LRRC8D: variants seen among roughly 807,000 people sequenced by gnomAD.
The protein encoded by LRRC8D is leucine rich repeat containing 8 VRAC subunit D, also known as volume-regulated anion channel subunit LRRC8D.
A neutral mutation model predicts 55.8 loss-of-function variants in LRRC8D; 20 were observed. The observed-to-expected ratio is 0.36, with a 90% CI of 0.25 to 0.52. The LOEUF is 0.52. Among genes scored for constraint, LRRC8D ranks in the 20% least tolerant of loss-of-function variants. LRRC8D has a pLI of 0.93. For missense variants in LRRC8D, 651 were observed against 1,030.8 expected (o/e 0.63, Z 5.05); for synonymous variants, 352 against 377.0 (o/e 0.93, Z 0.77).
intron 2 of LRRC8D, among the ~76,000 whole-genome samples, chr1:89,907,455 G>T (rs1447315690): frequency 3.9e-5 from 6 of 152,024 alleles, no homozygotes. Flanking sequence ...CTCACAAAGT[G>T]CTGGGATTAC....
rs573919380 is a variant in LRRC8D at position 89,822,701 on chromosome 1, C to T, written c.-148+1410C>T. Among the ~76,000 whole-genome samples, 9 of 152,248 alleles carry T rather than the reference C, an allele frequency of 5.9e-5. No individual in the cohort carries two copies. In the South Asian group the frequency reaches 1.9e-3, roughly 32 times the overall value. On this transcript the variant is annotated intron_variant, in intron 1 of 2. Coordinates refer to ENST00000337338, the MANE Select transcript of LRRC8D (RefSeq NM_001134479.2). ...GTGCCAAGAATGAGAGTGATCAGAC[C>T]TTCCTCGCCATAGCATCTGGGACCT...
intron 1 of LRRC8D, among the ~76,000 whole-genome samples, chr1:89,832,121 C>T (rs186275137): frequency 1.3e-5 from 2 of 152,308 alleles, no homozygotes; most frequent in African/African-American, 4.8e-5. Context: ...GACAGGACCT[C>T]AGACCTTTAC....
chr1:89,861,630 G>A (rs1192939443), intron 2 of LRRC8D, among the ~76,000 whole-genome samples: 1 of 152,160 alleles, frequency 6.6e-6, no homozygotes, highest in African/African-American at 2.4e-5. Flanking sequence ...TGTATCCTTT[G>A]GACTTGGCAT....
chr1:89,901,314 A>C (rs980479062), intron 2 of LRRC8D, among the ~76,000 whole-genome samples: 1 of 152,240 alleles, frequency 6.6e-6, no homozygotes, highest in Admixed American at 6.5e-5. Context: ...TTTCAGGTCC[A>C]TCTCTGCCTC....
intron 2 of LRRC8D, among the ~76,000 whole-genome samples, chr1:89,884,492 G>A: frequency 6.6e-6 from 1 of 152,270 alleles, no homozygotes; most frequent in African/African-American, 2.4e-5. Flanking sequence ...AATATTTAGG[G>A]GCATGCATTT....
chr1:89,868,934 T>C (rs1044665505), intron 2 of LRRC8D, among the ~76,000 whole-genome samples: 2 of 152,206 alleles, frequency 1.3e-5, no homozygotes, highest in African/African-American at 4.8e-5. Flanking sequence ...TCAGACAGAA[T>C]CTCACTCTTT....
At chr1:89,865,526 CA>C (rs1047519023) in intron 2 of LRRC8D, among the ~76,000 whole-genome samples, 1 of 151,788 alleles carries the variant, frequency 6.6e-6, no homozygotes, top group Non-Finnish European at 1.5e-5. Context: ...CCATTGGGTC[CA>C]AATATGTACT....
chr1:89,926,811 A>G (rs1334793998), intron 2 of LRRC8D, among the ~76,000 whole-genome samples: 1 of 152,204 alleles, frequency 6.6e-6, no homozygotes, highest in Non-Finnish European at 1.5e-5. Context: ...AAAGAAGAAA[A>G]GGTAATCTGG....
intron 1 of LRRC8D, among the ~76,000 whole-genome samples, chr1:89,829,398 GT>G (rs1405259576): frequency 1.3e-5 from 2 of 152,186 alleles, no homozygotes; most frequent in Admixed American, 6.5e-5. Context: ...GGCTGGAAAG[GT>G]TATGTCATTT....
At chr1:89,831,645 G>C (rs899542406) in intron 1 of LRRC8D, among the ~76,000 whole-genome samples, 1 of 152,120 alleles carries the variant, frequency 6.6e-6, no homozygotes, top group South Asian at 2.1e-4. Context: ...ATGTTGGCAG[G>C]GGGCAAAGAG....
At chr1:89,855,631 A>T (rs1304147361) in intron 2 of LRRC8D, among the ~76,000 whole-genome samples, 1 of 152,128 alleles carries the variant, frequency 6.6e-6, no homozygotes, top group African/African-American at 2.4e-5. Context: ...TTAAAAATGC[A>T]CCCTTTTAGC....
chr1:89,886,841 T>G (rs766088758), intron 2 of LRRC8D, among the ~76,000 whole-genome samples: 2 of 152,208 alleles, frequency 1.3e-5, no homozygotes, highest in Non-Finnish European at 2.9e-5. Flanking sequence ...ATTCTTTTAC[T>G]TGTATGTATT....
At chr1:89,924,845 A>C (rs1289980855) in intron 2 of LRRC8D, among the ~76,000 whole-genome samples, 1 of 152,218 alleles carries the variant, frequency 6.6e-6, no homozygotes, top group Non-Finnish European at 1.5e-5. Flanking sequence ...GTTCTCACTT[A>C]TAAGTGGGAG....
intron 1 of LRRC8D, among the ~76,000 whole-genome samples, chr1:89,822,867 C>G (rs1037285947): frequency 3.3e-5 from 5 of 152,192 alleles, no homozygotes; most frequent in Non-Finnish European, 7.3e-5. Context: ...CTTGCTTCAT[C>G]TGTCTTGACA....
intron 2 of LRRC8D, among the ~76,000 whole-genome samples, chr1:89,919,507 A>T (rs1478786217): frequency 6.6e-6 from 1 of 152,186 alleles, no homozygotes; most frequent in African/African-American, 2.4e-5. Context: ...ATGTCAGTAA[A>T]CTTAAAAGGA....
chr1:89,914,352 C>T (rs1463648188), intron 2 of LRRC8D, among the ~76,000 whole-genome samples: 1 of 152,212 alleles, frequency 6.6e-6, no homozygotes, highest in Non-Finnish European at 1.5e-5. Context: ...CTCCACACCT[C>T]CCTGCAAGCT....
At chr1:89,925,602 A>C (rs939973885) in intron 2 of LRRC8D, among the ~76,000 whole-genome samples, 4 of 152,314 alleles carry the variant, frequency 2.6e-5, no homozygotes, top group African/African-American at 4.8e-5. Flanking sequence ...AAAATAAGTC[A>C]CTAGAGGATC....
In LRRC8D at chr1:89,892,103, T is replaced by C. The variant is rs2801989; in HGVS notation, c.-2-40964T>C. Among the ~76,000 whole-genome samples, 568 of 152,354 alleles carry C rather than the reference T, an allele frequency of 3.7e-3. 2 individuals carry two copies. Among genetic ancestry groups the C allele is most frequent in the African/African-American group, 0.013 (552 of 41,578 alleles). ...TGCTACATTGTTCCGTTTCACATTCTGATAATTGTTCTTTAGTGGTCAAGC... is the reference window on the plus strand; with the variant it reads ...TGCTACATTGTTCCGTTTCACATTCCGATAATTGTTCTTTAGTGGTCAAGC... On this transcript the variant is annotated intron_variant, in intron 2 of 2. Coordinates refer to ENST00000337338, the MANE Select transcript of LRRC8D (RefSeq NM_001134479.2).
At chr1:89,887,770 A>G (rs897679785) in intron 2 of LRRC8D, among the ~76,000 whole-genome samples, 4 of 152,192 alleles carry the variant, frequency 2.6e-5, no homozygotes, top group African/African-American at 9.6e-5. Context: ...CTGCAGCAGT[A>G]TCATGAATTT....
Sources: allele counts gnomAD v4.1 joint callset (sites outside exome capture counted in the v4.1 genomes callset), GRCh38; gene constraint gnomAD v4.1.1; transcripts MANE v1.5; gene names NCBI Gene and HGNC (gene_info 2026-07-23, HGNC 2026-07-21).